The following FEZ1 variants were observed in gnomAD, a reference collection of about 807,000 sequenced individuals.
FEZ1 encodes fasciculation and elongation protein zeta 1.
A neutral mutation model predicts 49.3 loss-of-function variants in FEZ1; 20 were observed. The ratio of observed to expected loss-of-function variants is 0.41; its 90% CI spans 0.29 to 0.59. FEZ1 has a LOEUF of 0.59. Among genes scored for constraint, FEZ1 ranks in the 20% least tolerant of loss-of-function variants. The pLI is 0.36. For missense variants in FEZ1, 413 were observed against 476.0 expected, an observed-to-expected ratio of 0.87 and a Z score of 1.23; for synonymous variants, 170 against 180.9, an observed-to-expected ratio of 0.94 and a Z score of 0.48.
intron 5 of FEZ1, among the ~76,000 whole-genome samples, chr11:125,456,981 C>T (rs1454433518): frequency 3.3e-5 from 5 of 151,690 alleles, no homozygotes; most frequent in South Asian, 2.1e-4. Flanking sequence ...GTCAGGAGTT[C>T]GAAAACAGCC....
At position 125,481,306 on chromosome 11, in the gene FEZ1, C is replaced by T. The variant is rs146920236; in HGVS notation, c.411+228G>A. On this transcript the variant is annotated intron_variant, in intron 3 of 9. Transcript: ENST00000278919. Reference sequence around the variant, plus strand: ...GGGACCACAAGCATGCGCCACCATGCCTGGCTAATTTTTTGTATTTTTGGT... The same window carrying T: ...GGGACCACAAGCATGCGCCACCATGTCTGGCTAATTTTTTGTATTTTTGGT... Among the ~76,000 whole-genome samples, 237 of 152,154 alleles carry T rather than the reference C, an allele frequency of 1.6e-3. 1 individual carries two copies. The highest frequency in any genetic ancestry group is 3.5e-3 in the Admixed American group (54 of 15,280).
In FEZ1 at chr11:125,448,554, C is replaced by G; in HGVS notation, c.1110G>C (p.Met370Ile). The G allele has an allele frequency of 6.2e-7, 1 of 1,610,480 alleles. No homozygotes were observed. The highest frequency in any genetic ancestry group is 8.5e-7 in the Non-Finnish European group (1 of 1,176,736). The stretch of plus-strand genomic sequence containing the variant: ...TAGGCACCTTCTCATTATCCTCCTT[C>G]ATGGCAAAGAGAACTAGGAAAGGAG... ...LQMLTNILFA[M>I]KEDNEKVPTL... is the part of the protein sequence containing the mutation. Residue 370 changes from methionine to isoleucine, a missense_variant, in exon 9 of 10, where the codon ATG becomes ATC. By Grantham distance (10) the Met-to-Ile change is conservative. Transcript: ENST00000278919.
At chr11:125,490,711 A>T (rs674125) in intron 1 of FEZ1, among the ~76,000 whole-genome samples, 29,619 of 151,286 alleles carry the variant, frequency 0.2, 3,102 homozygotes, top group African/African-American at 0.25. Flanking sequence ...TTATTTTTTT[A>T]AAAAAACTAA....
At chr11:125,447,641 G>A (rs887070428) in intron 9 of FEZ1, among the ~76,000 whole-genome samples, 3 of 152,058 alleles carry the variant, frequency 2.0e-5, no homozygotes, top group East Asian at 1.9e-4. Context: ...GGCCAACATG[G>A]TGAAACCCCG....
intron 2 of FEZ1, among the ~76,000 whole-genome samples, chr11:125,488,312 C>T (rs184488511): frequency 1.3e-5 from 2 of 152,224 alleles, no homozygotes; most frequent in South Asian, 4.1e-4. Context: ...ATCATATGTA[C>T]GTACATACAG....
At chr11:125,479,407 C>T (rs1957260212) in intron 3 of FEZ1, among the ~76,000 whole-genome samples, 2 of 152,328 alleles carry the variant, frequency 1.3e-5, no homozygotes, top group Middle Eastern at 3.4e-3. Context: ...GCCTGCAGGG[C>T]TGTGACAGCC....
chr11:125,481,056 A>G (rs1457439213), intron 3 of FEZ1, among the ~76,000 whole-genome samples: 1 of 152,100 alleles, frequency 6.6e-6, no homozygotes, highest in Non-Finnish European at 1.5e-5. Flanking sequence ...GAAAAAAAAA[A>G]AAAGGAAAGT....
rs1490688379 is a variant in FEZ1 at position 125,443,319 on chromosome 11, A to G, written c.*2776T>C. Among the ~76,000 whole-genome samples, 1 of 152,172 alleles carries G rather than the reference A, an allele frequency of 6.6e-6. No homozygotes were observed. Among genetic ancestry groups the G allele is most frequent in the Non-Finnish European group, 1.5e-5 (1 of 68,030 alleles). ...AATCCAGAAAGACCAGAAGAGGGAA[A>G]AGCTGAGGGAAGACAATTGGGTTCA... On this transcript the variant is annotated 3_prime_UTR_variant, in exon 10 of 10. Transcript: ENST00000278919.
At chr11:125,467,218 AT>A (rs936518051) in intron 3 of FEZ1, among the ~76,000 whole-genome samples, 2 of 151,768 alleles carry the variant, frequency 1.3e-5, no homozygotes, top group Non-Finnish European at 2.9e-5. Context: ...TTTGTTTTGA[AT>A]TTTTTTAGAG....
chr11:125,489,405 C>A lies in FEZ1; in HGVS notation c.311+62G>T. 1 of 1,534,566 alleles carries A rather than the reference C, an allele frequency of 6.5e-7. No individual in the cohort carries two copies. Among genetic ancestry groups the A allele is most frequent in the South Asian group, 1.3e-5 (1 of 76,224 alleles). On this transcript the variant is annotated intron_variant, in intron 2 of 9. Coordinates refer to ENST00000278919, the MANE Select transcript of FEZ1 (RefSeq NM_005103.5). This position sits in a 1 kb window ranked among gnomAD's most constrained non-coding sequence, Gnocchi z 4.2. ...CTATAGACAGAAACCAGCACTATGT[C>A]AAGGAGACAAGGACTACAGGGCTCT... is the stretch of plus-strand genomic sequence containing the variant.
chr11:125,488,609 G>C, intron 2 of FEZ1: 4 of 392,014 alleles, frequency 1.0e-5, no homozygotes, highest in Non-Finnish European at 1.4e-5. Context: ...GAACCTGGGA[G>C]GTGGAGGTTG....
intron 3 of FEZ1, among the ~76,000 whole-genome samples, chr11:125,472,582 C>T (rs1384041703): frequency 1.3e-5 from 2 of 151,970 alleles, no homozygotes; most frequent in African/African-American, 4.8e-5. Flanking sequence ...TGAAAATCTT[C>T]CACAGAGAAA....
At chr11:125,494,308 G>A (rs547252818) in intron 1 of FEZ1, among the ~76,000 whole-genome samples, 13 of 152,294 alleles carry the variant, frequency 8.5e-5, no homozygotes, top group Admixed American at 3.9e-4. Context: ...ATTGGGGTTG[G>A]CAGCACTTCC....
At chr11:125,486,976 G>A (rs932088344) in intron 2 of FEZ1, among the ~76,000 whole-genome samples, 3 of 152,128 alleles carry the variant, frequency 2.0e-5, no homozygotes, top group South Asian at 2.1e-4. Flanking sequence ...GCTTCCTCCC[G>A]CTACACTGTC....
chr11:125,487,377 C>A (rs2135784968), intron 2 of FEZ1, among the ~76,000 whole-genome samples: 1 of 152,128 alleles, frequency 6.6e-6, no homozygotes, highest in East Asian at 1.9e-4. Flanking sequence ...ACACAGTCAA[C>A]CAGGGTTAAA....
intron 8 of FEZ1, among the ~76,000 whole-genome samples, chr11:125,449,475 A>AGCTATATG (rs1175623993): frequency 1.3e-5 from 2 of 148,154 alleles, no homozygotes; most frequent in East Asian, 4.1e-4. Flanking sequence ...AATAAGAGAG[A>AGCTATATG]GCTATATGTA....
intron 1 of FEZ1, among the ~76,000 whole-genome samples, chr11:125,493,425 G>GAAAGAAAGAAAGAAA (rs1565306988): frequency 2.8e-5 from 1 of 35,134 alleles, no homozygotes; most frequent in Non-Finnish European, 5.0e-5. Flanking sequence ...AAAGAAAGAA[G>GAAAGAAAGAAAGAAA]GAAAGAAGGA....
intron 8 of FEZ1, among the ~76,000 whole-genome samples, chr11:125,451,223 G>T (rs926439862): frequency 3.9e-5 from 6 of 152,056 alleles, no homozygotes; most frequent in African/African-American, 1.2e-4. Flanking sequence ...AAGAAACTTA[G>T]TGCATATTTA....
chr11:125,493,418 GA>G (rs1565306960), intron 1 of FEZ1, among the ~76,000 whole-genome samples: 4 of 38,470 alleles, frequency 1.0e-4, no homozygotes, highest in South Asian at 2.0e-3. Flanking sequence ...AAGAAAGAAA[GA>G]AAGAAGGAAA....
Sources: allele counts gnomAD v4.1 joint callset (sites outside exome capture counted in the v4.1 genomes callset), GRCh38; gene constraint gnomAD v4.1.1; non-coding constraint Gnocchi (gnomAD v3.1); transcripts MANE v1.5; gene names NCBI Gene and HGNC (gene_info 2026-07-23, HGNC 2026-07-21).